The following KIAA0825 variants were observed in gnomAD, a reference collection of about 807,000 sequenced individuals.
KIAA0825 encodes uncharacterized protein KIAA0825.
KIAA0825 carries 119 observed loss-of-function variants against 147.6 expected under a neutral mutation model. That is an observed-to-expected ratio of 0.81 (90% CI 0.69 to 0.94). The LOEUF (loss-of-function observed/expected upper bound fraction) is 0.94. Ranked by LOEUF, KIAA0825 falls within the 40% of genes least tolerant of loss-of-function variation. KIAA0825 has a pLI of 0.00. For synonymous variants in KIAA0825, 470 were observed against 518.1 expected, an observed-to-expected ratio of 0.91 and a Z score of 1.26; for missense variants, 1,381 against 1,472.7, an observed-to-expected ratio of 0.94 and a Z score of 1.02.
intron 20 of KIAA0825, among the ~76,000 whole-genome samples, chr5:94,377,318 C>T (rs1229509324): frequency 2.0e-5 from 3 of 152,212 alleles, no homozygotes; most frequent in Admixed American, 6.5e-5. Flanking sequence ...TAGCACAGCA[C>T]TGCGCTGTAT....
intron 1 of KIAA0825, among the ~76,000 whole-genome samples, chr5:94,617,129 G>A (rs1346111095): frequency 6.6e-6 from 1 of 152,154 alleles, no homozygotes; most frequent in Non-Finnish European, 1.5e-5. Flanking sequence ...GTGCCTGGCA[G>A]ACAGTATCTA....
chr5:94,369,324 C>T (rs1424242968), intron 20 of KIAA0825, among the ~76,000 whole-genome samples: 2 of 152,128 alleles, frequency 1.3e-5, no homozygotes, highest in Non-Finnish European at 2.9e-5. Flanking sequence ...ATTCTGATGA[C>T]AAGCATTATT....
At chr5:94,503,285 G>A (rs950854257) in intron 5 of KIAA0825, among the ~76,000 whole-genome samples, 2 of 151,744 alleles carry the variant, frequency 1.3e-5, no homozygotes, top group Non-Finnish European at 2.9e-5. Flanking sequence ...ACACTTCCTT[G>A]AACAATCTAA....
At chr5:94,346,699 C>G (rs2076775169) in intron 20 of KIAA0825, among the ~76,000 whole-genome samples, 2 of 152,276 alleles carry the variant, frequency 1.3e-5, no homozygotes, top group African/African-American at 4.8e-5. Context: ...CGGGCCATTC[C>G]TGCCTGGCAC....
At chr5:94,490,061 A>T (rs1763549176) in intron 5 of KIAA0825, among the ~76,000 whole-genome samples, 1 of 152,182 alleles carries the variant, frequency 6.6e-6, no homozygotes, top group Non-Finnish European at 1.5e-5. Context: ...TATAGCCTAC[A>T]TATTTGCCCT....
intron 16 of KIAA0825, among the ~76,000 whole-genome samples, chr5:94,401,348 A>G (rs1426153488): frequency 6.6e-6 from 1 of 151,958 alleles, no homozygotes; most frequent in African/African-American, 2.4e-5. Context: ...TCACTTTGTC[A>G]CTGTTTGCTC....
At position 94,391,666 on chromosome 5, in the gene KIAA0825, C is replaced by G. The variant is rs1249106866; in HGVS notation, c.3325G>C (p.Ala1109Pro). The change falls in exon 18 of 21, where the codon GCC (alanine) becomes CCC (proline). Residue 1109 changes from alanine to proline, a missense_variant. Coordinates refer to ENST00000682413, the MANE Select transcript of KIAA0825 (RefSeq NM_001145678.3). ...CAFMTIEKST[A>P]LQEGDVALEL... ...AGAGCAACATCTCCTTCTTGTAAGGCCGTGCTTTTCTCTATTGTCATAAAT... is the reference window on the plus strand; with the variant it reads ...AGAGCAACATCTCCTTCTTGTAAGGGCGTGCTTTTCTCTATTGTCATAAAT... 1 of 1,548,640 alleles carries G rather than the reference C, an allele frequency of 6.5e-7. No individual in the cohort carries two copies. Among genetic ancestry groups the G allele is most frequent in the Admixed American group, 2.0e-5 (1 of 50,512 alleles).
At chr5:94,606,181 A>T (rs1585024466) in intron 1 of KIAA0825, among the ~76,000 whole-genome samples, 1 of 152,274 alleles carries the variant, frequency 6.6e-6, no homozygotes, top group East Asian at 1.9e-4. Context: ...TAAAATACCT[A>T]AAAATACAGT....
chr5:94,321,588 A>G (rs937011028), intron 20 of KIAA0825, among the ~76,000 whole-genome samples: 1 of 151,990 alleles, frequency 6.6e-6, no homozygotes, highest in Non-Finnish European at 1.5e-5. Flanking sequence ...TATCATTTGC[A>G]GCTTGTTCCA....
At chr5:94,408,192 C>T (rs1441775748) in intron 15 of KIAA0825, among the ~76,000 whole-genome samples, 1 of 152,116 alleles carries the variant, frequency 6.6e-6, no homozygotes, top group Non-Finnish European at 1.5e-5. Context: ...TAGATGGGAG[C>T]AGGACACCAA....
chr5:94,234,716 C>T (rs1369111459), intron 20 of KIAA0825, among the ~76,000 whole-genome samples: 1 of 152,056 alleles, frequency 6.6e-6, no homozygotes, highest in East Asian at 1.9e-4. Flanking sequence ...TGTGTGAACT[C>T]AGAATGAGAG....
intron 2 of KIAA0825, among the ~76,000 whole-genome samples, chr5:94,573,242 A>T (rs532995644): frequency 2.7e-5 from 4 of 148,286 alleles, no homozygotes; most frequent in African/African-American, 9.9e-5. Flanking sequence ...AAGATAAAAG[A>T]TTATGGAGAC....
At chr5:94,554,695 A>G (rs1776185125) in intron 2 of KIAA0825, among the ~76,000 whole-genome samples, 2 of 135,788 alleles carry the variant, frequency 1.5e-5, no homozygotes, top group Admixed American at 1.5e-4. Context: ...CACTTATATG[A>G]GCCAGGCATT....
chr5:94,395,200 T>C (rs1334751692), intron 17 of KIAA0825, among the ~76,000 whole-genome samples: 1 of 152,182 alleles, frequency 6.6e-6, no homozygotes, highest in Non-Finnish European at 1.5e-5. Flanking sequence ...AAGGGATTTG[T>C]ACTCGCCCAT....
intron 5 of KIAA0825, among the ~76,000 whole-genome samples, chr5:94,500,491 T>C (rs1764936020): frequency 6.6e-6 from 1 of 152,240 alleles, no homozygotes. Flanking sequence ...GAATCATAGT[T>C]TCTGGGTGAG....
chr5:94,584,852 C>T (rs1782959315), intron 1 of KIAA0825, among the ~76,000 whole-genome samples: 2 of 152,184 alleles, frequency 1.3e-5, no homozygotes, highest in Admixed American at 1.3e-4. Flanking sequence ...TCTGCAGAAA[C>T]CCTACATGCC....
At position 94,471,493 on chromosome 5, in the gene KIAA0825, T is replaced by A. The variant is rs905397545; in HGVS notation, c.1694A>T (p.Asp565Val). ...VYVFQHFKRY[D>V]NLMKEMTKKP... ...TTTAGTCATTTCCTTCATCAAATTA[T>A]CATATCGCTTGAAATGCTGGAAGAC... Residue 565 changes from aspartate (D) to valine (V), a missense_variant, in exon 9 of 21, where the codon GAT becomes GTT. Coordinates refer to ENST00000682413, the MANE Select transcript of KIAA0825 (RefSeq NM_001145678.3). The A allele has an allele frequency of 4.5e-6, 7 of 1,551,954 alleles. No individual in the cohort carries two copies. In the Admixed American group the frequency reaches 1.4e-4, roughly 30 times the overall value.
At chr5:94,273,411 T>C (rs948908425) in intron 20 of KIAA0825, among the ~76,000 whole-genome samples, 1 of 152,186 alleles carries the variant, frequency 6.6e-6, no homozygotes, top group Admixed American at 6.6e-5. Flanking sequence ...ATTTCCATTT[T>C]TATTTTAGAT....
At chr5:94,332,021 G>A (rs550575471) in intron 20 of KIAA0825, among the ~76,000 whole-genome samples, 19 of 151,882 alleles carry the variant, frequency 1.3e-4, no homozygotes, top group African/African-American at 4.6e-4. Flanking sequence ...AATTACCCAG[G>A]CACAGGGGTG....
Sources: allele counts gnomAD v4.1 joint callset (sites outside exome capture counted in the v4.1 genomes callset), GRCh38; gene constraint gnomAD v4.1.1; transcripts MANE v1.5; gene names NCBI Gene and HGNC (gene_info 2026-07-23, HGNC 2026-07-21).